The following SLC6A9 variants were observed in gnomAD, a reference collection of about 807,000 sequenced individuals.
The protein encoded by SLC6A9 is solute carrier family 6 member 9.
SLC6A9 carries 31 observed loss-of-function variants against 70.9 expected under a neutral mutation model. That is an observed-to-expected ratio of 0.44 (90% CI 0.33 to 0.59). The LOEUF is 0.59. SLC6A9 is among the 20% of genes least tolerant of loss of function. SLC6A9 has a pLI of 0.04. For missense variants in SLC6A9, 631 were observed against 845.2 expected (o/e 0.75, Z 3.14); for synonymous variants, 310 against 341.3 (o/e 0.91, Z 1.01).
At position 44,001,458 on chromosome 1, in the gene SLC6A9, G is replaced by T. The variant is rs763486437; in HGVS notation, c.1132C>A (p.Leu378Ile). The change falls in exon 9 of 14, where the codon CTT becomes ATT. Residue 378 changes from leucine (L) to isoleucine (I), a missense_variant. Physicochemically the swap from Leu to Ile is conservative, Grantham distance 5 (BLOSUM62 2). Transcript: ENST00000372310. Reference protein sequence around the residue: ...FVAYPEALTLLPISPLWSLLF... With the variant: ...FVAYPEALTLIPISPLWSLLF... ...AGAGACCACAGCGGGGAGATGGGAAGTAGTGTGAGGGCCTCGGGGTAAGCC... is the reference window on the plus strand; with the variant it reads ...AGAGACCACAGCGGGGAGATGGGAATTAGTGTGAGGGCCTCGGGGTAAGCC... The T allele has an allele frequency of 4.3e-6, 7 of 1,614,248 alleles. No homozygotes were observed. The Admixed American group carries it at 1.0e-4, about 23-fold the overall frequency.
chr1:44,000,893 C>T, intron 11 of SLC6A9, 26 bp from the exon 12 acceptor site: 1 of 1,598,504 alleles, frequency 6.3e-7, no homozygotes, highest in Non-Finnish European at 8.5e-7. Flanking sequence ...GTCAGCAGAC[C>T]CGCAGGACAG....
At chr1:44,025,748 C>T (rs573592995) in intron 1 of SLC6A9, among the ~76,000 whole-genome samples, 3 of 150,432 alleles carry the variant, frequency 2.0e-5, no homozygotes, top group South Asian at 2.1e-4. Flanking sequence ...TGCAGTGAGC[C>T]GAGATTGCGC....
Position 44,002,227 on chromosome 1 carries a change from C to A in SLC6A9, c.962+86G>T. 1 of 916,706 alleles carries A rather than the reference C, an allele frequency of 1.1e-6. No individual in the cohort carries two copies. Among genetic ancestry groups the A allele is most frequent in the Non-Finnish European group, 1.8e-6 (1 of 551,236 alleles). The allele number at this position is 916,706 out of a possible 1,614,324, so 56.8% of individuals were successfully genotyped here. On this transcript the variant is annotated intron_variant, in intron 8 of 13. Coordinates refer to ENST00000372310, the MANE Select transcript of SLC6A9 (RefSeq NM_001024845.3). The surrounding 1 kb of genome is among the most constrained non-coding windows in gnomAD (Gnocchi z 5.5). ...AAGATCATGAGGGGAAAGGAGGCCT[C>A]GTGGGCCCATGGCTGCACTGGAGCT...
chr1:44,003,866 C>T (rs2154304872), intron 5 of SLC6A9, among the ~76,000 whole-genome samples: 1 of 152,224 alleles, frequency 6.6e-6, no homozygotes, highest in South Asian at 2.1e-4. Context: ...ATTTACGTGC[C>T]CGGGCCTGTG....
At chr1:44,023,165 G>A (rs2086918184) in intron 2 of SLC6A9, among the ~76,000 whole-genome samples, 1 of 152,190 alleles carries the variant, frequency 6.6e-6, no homozygotes, top group South Asian at 2.1e-4. Flanking sequence ...TGCTGAGGGA[G>A]GGACTGTCCA....
chr1:44,000,402 C>T (rs2086045729), intron 12 of SLC6A9, among the ~76,000 whole-genome samples: 1 of 152,254 alleles, frequency 6.6e-6, no homozygotes, highest in African/African-American at 2.4e-5. Context: ...CACCACATAG[C>T]CAAGGCCCTG....
Position 43,997,523 on chromosome 1 carries a change from G to T in SLC6A9, c.*22C>A, listed in dbSNP as rs200555200. On this transcript the variant is annotated 3_prime_UTR_variant, in exon 14 of 14. Coordinates refer to ENST00000372310, the MANE Select transcript of SLC6A9 (RefSeq NM_001024845.3). The surrounding 1 kb of genome is among the most constrained non-coding windows in gnomAD (Gnocchi z 4.4). ...GGTGGGAGCACGGGGTGGGGGTGGG[G>T]CCACTCCCCTGGCAGCTGTGCTCAT... 1.4e-5 allele frequency: 23 copies of T among 1,599,964 alleles called. No individual in the cohort carries two copies. The highest frequency in any genetic ancestry group is 3.5e-4 in the Middle Eastern group (2 of 5,788).
In SLC6A9 at chr1:43,996,568, G is replaced by A. The variant is rs200602987; in HGVS notation, c.*977C>T. 10 of 189,668 alleles carry A rather than the reference G, an allele frequency of 5.3e-5. No individual in the cohort carries two copies. The highest frequency in any genetic ancestry group is 7.6e-5 in the Non-Finnish European group (7 of 92,530). 11.7% of individuals were successfully genotyped at this position (189,668 alleles called of 1,614,324 possible). ...AATGGGCAGGGATGGGCGGCGCACC[G>A]TTATTGCTACAGAGGATTAGAGGTG... On this transcript the variant is annotated 3_prime_UTR_variant, in exon 14 of 14. Transcript: ENST00000372310.
intron 2 of SLC6A9, chr1:44,011,749 G>A: frequency 1.9e-6 from 3 of 1,612,152 alleles, no homozygotes; most frequent in Non-Finnish European, 2.5e-6. Context: ...CGAAGGTCAG[G>A]AGAGGCAGAT....
At chr1:44,010,411 G>C in intron 3 of SLC6A9, 1 of 423,160 alleles carries the variant, frequency 2.4e-6, no homozygotes. Flanking sequence ...GAACCATTTA[G>C]GGGGGCTGCT....
At chr1:44,006,447 G>T (rs2086314239) in intron 5 of SLC6A9, among the ~76,000 whole-genome samples, 1 of 151,934 alleles carries the variant, frequency 6.6e-6, no homozygotes. Flanking sequence ...AACAAGCCAG[G>T]CGTGGTGGCG....
rs538297680 is a variant in SLC6A9, at chr1:44,011,738, C to G, written c.31-856G>C. On this transcript the variant is annotated intron_variant, in intron 2 of 13. Coordinates refer to ENST00000372310, the MANE Select transcript of SLC6A9 (RefSeq NM_001024845.3). The stretch of plus-strand genomic sequence containing the variant: ...GAAGCGTCACCTGCAGGGGAGGGGG[C>G]CGAAGGTCAGGAGAGGCAGATGCGG... 5.3e-5 allele frequency: 85 copies of G among 1,613,070 alleles called. 1 individual carries two copies. The South Asian group carries it at 8.6e-4, about 16-fold the overall frequency.
chr1:43,998,327 C>G (rs1571836684), intron 12 of SLC6A9, among the ~76,000 whole-genome samples: 1 of 152,174 alleles, frequency 6.6e-6, no homozygotes, highest in African/African-American at 2.4e-5. Context: ...CGCTATGGCT[C>G]CCCATGGCTA....
chr1:44,010,415 G>T, intron 3 of SLC6A9: 1 of 415,288 alleles, frequency 2.4e-6, no homozygotes, highest in Non-Finnish European at 4.4e-6. Context: ...CATTTAGGGG[G>T]GCTGCTGAAC....
chr1:44,028,059 G>A (rs1363985731), intron 1 of SLC6A9, among the ~76,000 whole-genome samples: 1 of 152,178 alleles, frequency 6.6e-6, no homozygotes, highest in Non-Finnish European at 1.5e-5. Flanking sequence ...ACAATAGGGG[G>A]GCCTGGCCTT....
In SLC6A9 at chr1:44,013,629, C is replaced by G. The variant is rs547544768; in HGVS notation, c.31-2747G>C. Among the ~76,000 whole-genome samples the G allele has an allele frequency of 1.3e-5, 2 of 152,320 alleles. No individual in the cohort carries two copies. The highest frequency in any genetic ancestry group is 4.1e-4 in the South Asian group (2 of 4,824). On this transcript the variant is annotated intron_variant, in intron 2 of 13. Coordinates refer to ENST00000372310, the MANE Select transcript of SLC6A9 (RefSeq NM_001024845.3). This position sits in a 1 kb window ranked among gnomAD's most constrained non-coding sequence, Gnocchi z 5.3. ...GTCCCAGCACTGTGGCGCTCGACCA[C>G]GGGAATCTGGCCCAGGCTTGGCCTC...
chr1:44,015,792 C>G (rs2086719685), intron 2 of SLC6A9: 2 of 921,184 alleles, frequency 2.2e-6, no homozygotes, highest in Non-Finnish European at 2.6e-6. Context: ...AGCTGCAGCT[C>G]TGATCTCTGG....
intron 5 of SLC6A9, among the ~76,000 whole-genome samples, chr1:44,003,685 T>TTGCAGGGAGTGGAGATTGTGCCAC: frequency 6.9e-6 from 1 of 144,320 alleles, no homozygotes; most frequent in Non-Finnish European, 1.5e-5. Context: ...GAGGTGGAGG[T>TTGCAGGGAGTGGAGATTGTGCCAC]TGCAGGGAGT....
intron 5 of SLC6A9, 41 bp downstream of exon 5, chr1:44,008,312 C>T (rs747295135): frequency 6.2e-7 from 1 of 1,604,850 alleles, no homozygotes; most frequent in South Asian, 1.1e-5. Context: ...GACAGGGTTG[C>T]CACCAGGTTC....
Sources: gnomAD v4.1 joint callset for allele counts (sites outside exome capture counted in the v4.1 genomes callset) on GRCh38, gnomAD v4.1.1 for gene constraint, Gnocchi (gnomAD v3.1) non-coding constraint, MANE v1.5 for transcripts, NCBI Gene and HGNC (gene_info 2026-07-23, HGNC 2026-07-21) for gene names.